The following EPHA7 variants were observed in gnomAD, a reference collection of about 807,000 sequenced individuals.
EPHA7 encodes the protein EPH receptor A7, also known as ephrin type-A receptor 7.
EPHA7 carries 25 observed loss-of-function variants against 112.6 expected under a neutral mutation model. The ratio of observed to expected loss-of-function variants is 0.22; its 90% confidence interval spans 0.16 to 0.31. The LOEUF (loss-of-function observed/expected upper bound fraction) is 0.31, where lower values mean the gene tolerates loss of function less well. EPHA7 is among the 10% of genes least tolerant of loss of function. EPHA7 has a pLI of 1.00. For missense variants in EPHA7, 962 were observed against 1,212.6 expected, an observed-to-expected ratio of 0.79 and a Z score of 3.07; for synonymous variants, 437 against 406.5, an observed-to-expected ratio of 1.07 and a Z score of -0.90.
rs755089288 is a variant in EPHA7 at position 93,356,851 on chromosome 6, T to C, written c.1190A>G (p.Asp397Gly). 2.5e-5 allele frequency: 41 copies of C among 1,614,042 alleles called. No individual in the cohort carries two copies. Among genetic ancestry groups the C allele is most frequent in the Non-Finnish European group, 3.4e-5 (40 of 1,180,030 alleles). ...CAGGTCCATGACAGTGACATAGTTA[T>C]CCTCTAATCCAGTCTGCTGGGGCAT... ...GYMPQQTGLEDNYVTVMDLLA... is the reference protein window; with the variant it reads ...GYMPQQTGLEGNYVTVMDLLA... Residue 397 changes from aspartate (D) to glycine (G), a missense_variant, in exon 5 of 17, where the codon GAT (aspartate) becomes GGT (glycine). This residue lies in a region of EPHA7 where 746 missense variants were observed against 889.2 expected (regional missense o/e 0.84). Transcript: ENST00000369303.
rs201601217 is a variant in EPHA7, at chr6:93,357,605, GA to G, written c.989-554del. On this transcript the variant is annotated intron_variant, in intron 4 of 16. Coordinates refer to ENST00000369303, the MANE Select transcript of EPHA7 (RefSeq NM_004440.4). ...TATTTAGTAATGGAATTTTAATTCA[GA>G]AACCATTACTTTTTAATAACATTTA... Among the ~76,000 whole-genome samples the G allele has an allele frequency of 1.0e-2, 1,506 of 151,218 alleles. 20 individuals are homozygous for G. Among genetic ancestry groups the G allele is most frequent in the African/African-American group, 0.035 (1,438 of 41,200 alleles).
chr6:93,386,155 A>G lies in EPHA7; in HGVS notation c.832+24346T>C, dbSNP rs148531213. 4.1e-3 allele frequency among the ~76,000 whole-genome samples: 624 copies of G among 152,288 alleles called. 6 individuals carry two copies. Among genetic ancestry groups the G allele is most frequent in the African/African-American group, 0.014 (581 of 41,566 alleles). On this transcript the variant is annotated intron_variant, in intron 3 of 16. Coordinates refer to ENST00000369303, the MANE Select transcript of EPHA7 (RefSeq NM_004440.4). ...CACAACACATTTATGCCTTCCCAAC[A>G]GTTCCCCAAAGACTTAACTCATTCC...
At chr6:93,309,342 G>T (rs1269839364) in intron 5 of EPHA7, among the ~76,000 whole-genome samples, 1 of 152,130 alleles carries the variant, frequency 6.6e-6, no homozygotes, top group Non-Finnish European at 1.5e-5. Flanking sequence ...TTCATGTTAT[G>T]AAGGCTACTT....
At chr6:93,273,729 A>T (rs1771341654) in intron 5 of EPHA7, among the ~76,000 whole-genome samples, 1 of 151,970 alleles carries the variant, frequency 6.6e-6, no homozygotes, top group Non-Finnish European at 1.5e-5. Context: ...TTTTCAATGA[A>T]GCTAATTTCT....
In EPHA7 at chr6:93,242,199, TAA is replaced by T. The variant is rs1373459204; in HGVS notation, c.*1225_*1226del. On this transcript the variant is annotated 3_prime_UTR_variant, in exon 17 of 17. Coordinates refer to ENST00000369303, the MANE Select transcript of EPHA7 (RefSeq NM_004440.4). ...GATCCTTCACCTCTTCCTTCTAGGG[TAA>T]AGAGTCCTTTCATTTAACAAGTTTC... 2.6e-5 allele frequency: 5 copies of T among 194,872 alleles called. 1 individual carries two copies. The highest frequency in any genetic ancestry group is 4.3e-5 in the Non-Finnish European group (4 of 93,518). 12.1% of individuals were successfully genotyped at this position (194,872 alleles called of 1,614,324 possible). A position where few individuals can be genotyped will look rare whatever the true frequency, so the allele number is the denominator to read the frequency against.
chr6:93,361,539 TGA>T (rs1415046332), intron 3 of EPHA7, among the ~76,000 whole-genome samples: 1 of 152,070 alleles, frequency 6.6e-6, no homozygotes, highest in Non-Finnish European at 1.5e-5. Context: ...GTGGCATATC[TGA>T]GAGATACATA....
In EPHA7 at chr6:93,255,889, A is replaced by C; in HGVS notation, c.2321T>G (p.Val774Gly). ...ILVNSNLVCK[V>G]SDFGLSRVIE... ...AACTCGGGACAGGCCAAAATCTGACACTTTACAAACGAGATTGCTGTTGAC... is the reference window on the plus strand; with the variant it reads ...AACTCGGGACAGGCCAAAATCTGACCCTTTACAAACGAGATTGCTGTTGAC... Residue 774 changes from valine (V) to glycine (G), a missense_variant, in exon 13 of 17, where the codon GTG becomes GGG. Around this residue, in one of 3 missense-constraint regions of EPHA7, gnomAD observed 746 missense variants for 889.2 expected, o/e 0.84. Transcript: ENST00000369303. 1 of 1,614,090 alleles carries C rather than the reference A, an allele frequency of 6.2e-7. No individual in the cohort carries two copies.
At chr6:93,312,042 G>T (rs1773568556) in intron 5 of EPHA7, among the ~76,000 whole-genome samples, 1 of 152,038 alleles carries the variant, frequency 6.6e-6, no homozygotes, top group African/African-American at 2.4e-5. Context: ...CTGTTATCAA[G>T]GCTTCATTGA....
intron 5 of EPHA7, among the ~76,000 whole-genome samples, chr6:93,278,130 C>T (rs1350572063): frequency 6.6e-6 from 1 of 151,812 alleles, no homozygotes; most frequent in African/African-American, 2.4e-5. Flanking sequence ...ATTGTTTGGA[C>T]ATTTAATTAA....
At chr6:93,389,114 T>C (rs79718749) in intron 3 of EPHA7, among the ~76,000 whole-genome samples, 5,604 of 152,168 alleles carry the variant, frequency 0.037, 194 homozygotes, top group East Asian at 0.17. Flanking sequence ...ATAAGATTTC[T>C]GTATCATTTC....
At chr6:93,338,122 G>T (rs1774965222) in intron 5 of EPHA7, among the ~76,000 whole-genome samples, 1 of 152,010 alleles carries the variant, frequency 6.6e-6, no homozygotes, top group South Asian at 2.1e-4. Flanking sequence ...CAGCCTCTGG[G>T]AGTAGAAATG....
intron 5 of EPHA7, among the ~76,000 whole-genome samples, chr6:93,355,070 C>T (rs551901967): frequency 1.3e-5 from 2 of 152,048 alleles, no homozygotes; most frequent in Non-Finnish European, 1.5e-5. Context: ...ATATATAAAA[C>T]AACGCAAGTG....
chr6:93,396,977 C>A (rs912669938), intron 3 of EPHA7, among the ~76,000 whole-genome samples: 2 of 151,370 alleles, frequency 1.3e-5, no homozygotes, highest in East Asian at 3.9e-4. Context: ...TTAAAATATT[C>A]TGAATATTCT....
chr6:93,324,105 C>A (rs1774202213), intron 5 of EPHA7, among the ~76,000 whole-genome samples: 1 of 151,354 alleles, frequency 6.6e-6, no homozygotes, highest in Admixed American at 6.6e-5. Context: ...AGAAGTATTG[C>A]TACTGTCTTT....
chr6:93,389,970 T>C (rs1386852787), intron 3 of EPHA7, among the ~76,000 whole-genome samples: 9 of 152,050 alleles, frequency 5.9e-5, no homozygotes, highest in African/African-American at 1.4e-4. Context: ...TGTCAGTGAA[T>C]TGGAAAATTT....
chr6:93,296,672 T>C (rs1006837004), intron 5 of EPHA7, among the ~76,000 whole-genome samples: 1 of 151,222 alleles, frequency 6.6e-6, no homozygotes, highest in Non-Finnish European at 1.5e-5. Context: ...GAGAATAAAA[T>C]AATGGTTACC....
At chr6:93,255,066 G>C (rs1256672264) in intron 13 of EPHA7, among the ~76,000 whole-genome samples, 1 of 152,006 alleles carries the variant, frequency 6.6e-6, no homozygotes, top group Non-Finnish European at 1.5e-5. Flanking sequence ...ATGACAGGCT[G>C]GGTGCTGTGG....
intron 5 of EPHA7, among the ~76,000 whole-genome samples, chr6:93,340,291 C>G (rs1461380992): frequency 6.6e-6 from 1 of 151,650 alleles, no homozygotes; most frequent in Non-Finnish European, 1.5e-5. Flanking sequence ...TCTTCTTGAC[C>G]AATTTAAATT....
chr6:93,300,706 G>A lies in EPHA7; in HGVS notation c.1325-28284C>T, dbSNP rs1772935843. Among the ~76,000 whole-genome samples the A allele has an allele frequency of 2.6e-5, 4 of 152,184 alleles. No individual in the cohort carries two copies. The South Asian group carries it at 8.3e-4, about 32-fold the overall frequency. Reference sequence around the variant, plus strand: ...ATTTCAGATTTATTTAGATATGTTAGATAACATAAGGGGAATATTGTTTAA... The same window carrying A: ...ATTTCAGATTTATTTAGATATGTTAAATAACATAAGGGGAATATTGTTTAA... On this transcript the variant is annotated intron_variant, in intron 5 of 16. Coordinates refer to ENST00000369303, the MANE Select transcript of EPHA7 (RefSeq NM_004440.4).
Sources: gnomAD v4.1 joint callset for allele counts (sites outside exome capture counted in the v4.1 genomes callset) on GRCh38, gnomAD v4.1.1 for gene constraint, gnomAD v4.1.1 regional missense constraint, MANE v1.5 for transcripts, NCBI Gene and HGNC (gene_info 2026-07-23, HGNC 2026-07-21) for gene names.